FMN2: variants seen among roughly 807,000 people sequenced by gnomAD.
FMN2 encodes formin-2.
Under a neutral mutation model 142.3 loss-of-function variants are expected in FMN2, and 51 were observed. The ratio of observed to expected loss-of-function variants is 0.36; its 90% CI spans 0.29 to 0.45. FMN2 has a LOEUF of 0.45. Among genes scored for constraint, FMN2 ranks in the 20% least tolerant of loss-of-function variants. The pLI is 1.00. For missense variants in FMN2, 1,936 were observed against 2,122.8 expected (o/e 0.91, Z 1.73); for synonymous variants, 882 against 869.8 (o/e 1.01, Z -0.25).
At chr1:240,360,334 A>G (rs1043233806) in intron 14 of FMN2, among the ~76,000 whole-genome samples, 2 of 152,170 alleles carry the variant, frequency 1.3e-5, no homozygotes, top group Admixed American at 1.3e-4. Context: ...CTGCAAACCA[A>G]CAGCATCTGA....
intron 16 of FMN2, among the ~76,000 whole-genome samples, chr1:240,449,249 C>A (rs1459462596): frequency 6.6e-6 from 1 of 152,100 alleles, no homozygotes; most frequent in Non-Finnish European, 1.5e-5. Context: ...AACACTTCAC[C>A]CTCTCTCCGG....
intron 2 of FMN2, among the ~76,000 whole-genome samples, chr1:240,166,748 C>T (rs1018543586): frequency 6.6e-6 from 1 of 152,082 alleles, no homozygotes; most frequent in Admixed American, 6.6e-5. Flanking sequence ...TAAATATATT[C>T]TAGTACATAA....
Position 240,092,000 on chromosome 1 carries a change from C to G in FMN2, c.-110C>G. The stretch of plus-strand genomic sequence containing the variant: ...GGCCTCCCCTCCCAGCGGCTCCCCC[C>G]GCCGCCGCCTGACTCTCCCGGGAGA... On this transcript the variant is annotated 5_prime_UTR_variant, in exon 1 of 18. Transcript: ENST00000319653. 2 of 1,379,382 alleles carry G rather than the reference C, an allele frequency of 1.4e-6. No homozygotes were observed. The highest frequency in any genetic ancestry group is 3.7e-5 in the Admixed American group (1 of 27,024). The allele number at this position is 1,379,382 out of a possible 1,614,324, so 85.4% of individuals were successfully genotyped here. A position where few individuals can be genotyped will look rare whatever the true frequency, so the allele number is the denominator to read the frequency against.
chr1:240,380,378 C>CA (rs1673184392), intron 14 of FMN2, among the ~76,000 whole-genome samples: 1 of 152,080 alleles, frequency 6.6e-6, no homozygotes, highest in Admixed American at 6.6e-5. Flanking sequence ...CTTGCTCCTA[C>CA]AAAACCTTTG....
chr1:240,290,228 A>G (rs999106318), intron 7 of FMN2, among the ~76,000 whole-genome samples: 9 of 152,206 alleles, frequency 5.9e-5, no homozygotes, highest in Admixed American at 5.2e-4. Flanking sequence ...AGACATTTTA[A>G]ATATCTTAGG....
intron 14 of FMN2, among the ~76,000 whole-genome samples, chr1:240,388,862 C>CA (rs1332625932): frequency 0.042 from 1,866 of 44,246 alleles, 44 homozygotes; most frequent in Admixed American, 0.14. Flanking sequence ...AACTCCATCT[C>CA]AAAAAAAAAA....
At chr1:240,289,383 A>G (rs1669698626) in intron 7 of FMN2, among the ~76,000 whole-genome samples, 1 of 152,142 alleles carries the variant, frequency 6.6e-6, no homozygotes, top group Non-Finnish European at 1.5e-5. Context: ...AATTATACAA[A>G]TAGGTTGGGC....
At chr1:240,206,714 A>T in intron 4 of FMN2, 85 bp from the exon 5 acceptor site, 1 of 1,443,222 alleles carries the variant, frequency 6.9e-7, no homozygotes, top group African/African-American at 1.4e-5. Flanking sequence ...TATGACAACA[A>T]ACAGATATAA....
intron 8 of FMN2, among the ~76,000 whole-genome samples, chr1:240,315,139 T>C (rs1670734009): frequency 6.6e-6 from 1 of 152,204 alleles, no homozygotes; most frequent in South Asian, 2.1e-4. Context: ...ATTCTGCTGA[T>C]GTTACAGGAA....
intron 15 of FMN2, among the ~76,000 whole-genome samples, chr1:240,427,339 T>G (rs556253910): frequency 1.5e-4 from 23 of 151,958 alleles, no homozygotes; most frequent in East Asian, 9.8e-4. Flanking sequence ...CTGAGTAGCT[T>G]GGACTACAGG....
intron 2 of FMN2, among the ~76,000 whole-genome samples, chr1:240,128,589 C>A (rs1662605082): frequency 6.6e-6 from 1 of 152,064 alleles, no homozygotes; most frequent in South Asian, 2.1e-4. Context: ...TGTGGTGATC[C>A]CTTGCTCACC....
intron 8 of FMN2, among the ~76,000 whole-genome samples, chr1:240,308,539 C>T (rs1221394721): frequency 6.6e-6 from 1 of 152,142 alleles, no homozygotes; most frequent in East Asian, 1.9e-4. Context: ...CGGGGCTTTA[C>T]TGGCCCAACC....
rs1158147688 is a variant in FMN2, at chr1:240,207,218, G to A, written c.2406G>A (p.Gln802=). Residue 802 remains glutamine (Q), a synonymous_variant, in exon 5 of 18, where the codon CAG becomes CAA. Coordinates refer to ENST00000319653, the MANE Select transcript of FMN2 (RefSeq NM_020066.5). ...RRISVQLDSH[Q]PTQSISQPPP... is the part of the protein sequence containing the mutation. ...TATCAGTCCAGCTCGACAGCCATCA[G>A]CCCACACAGAGCATCTCACAGCCTC... The A allele has an allele frequency of 6.2e-7, 1 of 1,614,012 alleles. No homozygotes were observed.
chr1:240,256,084 T>C (rs1668442252), intron 6 of FMN2, among the ~76,000 whole-genome samples: 1 of 152,238 alleles, frequency 6.6e-6, no homozygotes, highest in Admixed American at 6.5e-5. Flanking sequence ...AACATGCCTA[T>C]TGCATTGAGA....
chr1:240,381,069 A>G (rs918256926), intron 14 of FMN2, among the ~76,000 whole-genome samples: 7 of 152,174 alleles, frequency 4.6e-5, no homozygotes, highest in Non-Finnish European at 8.8e-5. Flanking sequence ...TGAACAGCCA[A>G]ATTTTACCAG....
chr1:240,437,698 A>G lies in FMN2; in HGVS notation c.4911-363A>G, dbSNP rs112013687. 4.8e-3 allele frequency among the ~76,000 whole-genome samples: 725 copies of G among 152,254 alleles called. 3 individuals carry two copies. The highest frequency in any genetic ancestry group is 0.017 in the African/African-American group (692 of 41,546). Reference sequence around the variant, plus strand: ...GGACTACATACTAGTTTGGGGACACATGGTTAATATTTCATTTGTTTAGGG... The same window carrying G: ...GGACTACATACTAGTTTGGGGACACGTGGTTAATATTTCATTTGTTTAGGG... On this transcript the variant is annotated intron_variant, in intron 15 of 17. Transcript: ENST00000319653.
intron 16 of FMN2, among the ~76,000 whole-genome samples, chr1:240,455,160 GAGAACA>G (rs1402243210): frequency 7.9e-6 from 1 of 126,490 alleles, no homozygotes; most frequent in African/African-American, 2.9e-5. Context: ...TAAGAGAGGT[GAGAACA>G]TGACCATCGG....
intron 6 of FMN2, chr1:240,235,752 A>G (rs918668925): frequency 6.6e-6 from 1 of 152,108 alleles, no homozygotes; most frequent in Non-Finnish European, 1.5e-5. Context: ...ATCTTGCATC[A>G]GTGAAGGGCA....
At chr1:240,316,133 C>G (rs1259736863) in intron 8 of FMN2, among the ~76,000 whole-genome samples, 2 of 152,158 alleles carry the variant, frequency 1.3e-5, no homozygotes, top group Non-Finnish European at 2.9e-5. Context: ...CTTTGAAGAG[C>G]TTTGGATGTA....
Sources: gnomAD v4.1 joint callset for allele counts (sites outside exome capture counted in the v4.1 genomes callset) on GRCh38, gnomAD v4.1.1 for gene constraint, MANE v1.5 for transcripts, NCBI Gene and HGNC (gene_info 2026-07-23, HGNC 2026-07-21) for gene names.